RHBDF2: variants seen among roughly 807,000 people sequenced by gnomAD.
RHBDF2 encodes rhomboid 5 homolog 2, also known as inactive rhomboid protein 2.
Under a neutral mutation model 95.2 loss-of-function variants are expected in RHBDF2, and 38 were observed. That is an observed-to-expected ratio of 0.40 (90% CI 0.31 to 0.52). The LOEUF is 0.52. Among genes scored for constraint, RHBDF2 ranks in the 20% least tolerant of loss-of-function variants. RHBDF2 has a pLI of 0.56. For synonymous variants in RHBDF2, 442 were observed against 462.0 expected, an observed-to-expected ratio of 0.96 and a Z score of 0.55; for missense variants, 863 against 1,137.7, an observed-to-expected ratio of 0.76 and a Z score of 3.47.
In RHBDF2 at chr17:76,471,763, C is replaced by A. The variant is rs1399072827; in HGVS notation, c.2354G>T (p.Gly785Val). Residue 785 changes from glycine to valine, a missense_variant, in exon 19 of 19, where the codon GGC (glycine) becomes GTC (valine). Coordinates refer to ENST00000675367, the MANE Select transcript of RHBDF2 (RefSeq NM_001005498.4). Reference protein sequence around the residue: ...LILVSLLAFAGLFAALVLWLY... With the variant: ...LILVSLLAFAVLFAALVLWLY... ...CCACAGCACGAGGGCGGCGAAGAGG[C>A]CGGCAAAGGCCAGCAGTGACACCAG... is the stretch of plus-strand genomic sequence containing the variant. 5 of 1,609,814 alleles carry A rather than the reference C, an allele frequency of 3.1e-6. No individual in the cohort carries two copies. The highest frequency in any genetic ancestry group is 3.4e-6 in the Non-Finnish European group (4 of 1,178,060).
chr17:76,491,432 TG>T lies in RHBDF2; in HGVS notation c.-219-3524del, dbSNP rs397781877. 2.0e-3 allele frequency among the ~76,000 whole-genome samples: 293 copies of T among 147,108 alleles called. 1 individual carries two copies. The South Asian group carries it at 0.023, about 12-fold the overall frequency. ...CCTGGTCAGCCCCAGGGCAATCAGT[TG>T]GGGGGGGGTCCCGAAGAGAGGTGGC... On this transcript the variant is annotated intron_variant, in intron 1 of 18. Transcript: ENST00000675367.
At chr17:76,480,644 C>T (rs1252047771) in intron 3 of RHBDF2, among the ~76,000 whole-genome samples, 1 of 152,154 alleles carries the variant, frequency 6.6e-6, no homozygotes, top group Non-Finnish European at 1.5e-5. Context: ...CCTCAGCCTC[C>T]CAAAGTGATG....
intron 1 of RHBDF2, among the ~76,000 whole-genome samples, chr17:76,498,789 A>AGTGTGTGTGTGTGTGTGT (rs60130089): frequency 2.3e-3 from 332 of 143,758 alleles, no homozygotes; most frequent in East Asian, 7.0e-3. Context: ...AGAGAAAGAG[A>AGTGTGTGTGTGTGTGTGT]GTGTGTGTGT....
In RHBDF2 at chr17:76,493,897, G is replaced by A. The variant is rs142381482; in HGVS notation, c.-219-5988C>T. ...TCCTCGCCCCTCCAGGGCTTGCCTC[G>A]AACTCAGTTCAGAAGATCAAGAACC... On this transcript the variant is annotated intron_variant, in intron 1 of 18. Transcript: ENST00000675367. Among the ~76,000 whole-genome samples, 515 of 152,340 alleles carry A rather than the reference G, an allele frequency of 3.4e-3. 2 individuals are homozygous for A. The highest frequency in any genetic ancestry group is 0.011 in the African/African-American group (470 of 41,580).
At chr17:76,494,256 G>A (rs1390853424) in intron 1 of RHBDF2, among the ~76,000 whole-genome samples, 4 of 152,176 alleles carry the variant, frequency 2.6e-5, no homozygotes, top group Admixed American at 2.6e-4. Flanking sequence ...CCCCCTCCTC[G>A]GCTGGGGTTC....
intron 14 of RHBDF2, 48 bp downstream of exon 14, chr17:76,473,791 T>A: frequency 6.2e-7 from 1 of 1,611,822 alleles, no homozygotes; most frequent in Non-Finnish European, 8.5e-7. Context: ...AGCAGGCAGG[T>A]CCCCCATCCC....
intron 9 of RHBDF2, 59 bp from the exon 10 acceptor site, chr17:76,475,200 G>C: frequency 7.9e-7 from 1 of 1,263,426 alleles, no homozygotes; most frequent in Middle Eastern, 1.8e-4. Context: ...CCCAGTCCCG[G>C]CCACAGGGCC....
At chr17:76,490,379 C>T (rs7209056) in intron 1 of RHBDF2, among the ~76,000 whole-genome samples, 3,394 of 152,274 alleles carry the variant, frequency 0.022, 120 homozygotes, top group African/African-American at 0.077. Flanking sequence ...GGCAGCCACA[C>T]CGGGACCCCA....
chr17:76,497,868 T>G (rs1216642222), intron 1 of RHBDF2, among the ~76,000 whole-genome samples: 1 of 152,170 alleles, frequency 6.6e-6, no homozygotes, highest in Non-Finnish European at 1.5e-5. Context: ...CCTTTTCTGC[T>G]GGTCACAAGG....
intron 2 of RHBDF2, among the ~76,000 whole-genome samples, chr17:76,482,121 G>A (rs1330296670): frequency 1.3e-5 from 2 of 152,074 alleles, no homozygotes; most frequent in Non-Finnish European, 2.9e-5. Flanking sequence ...GACCATATGG[G>A]TCTGGGAGGT....
intron 15 of RHBDF2, 123 bp downstream of exon 15, chr17:76,473,524 AC>A: frequency 2.0e-6 from 2 of 979,090 alleles, no homozygotes; most frequent in Admixed American, 2.1e-5. Flanking sequence ...GGAGCAAAGG[AC>A]AGTTATTGGA....
In RHBDF2 at chr17:76,471,852, G is replaced by A. The variant is rs115094923; in HGVS notation, c.2265C>T (p.Ala755=). ...AGGTGATGTAGGGCAGGAAGGCGAA[G>A]GCCAGCAGCAGGCCACTGAGGAAGC... The part of the protein sequence containing the change: ...IFGFLSGLLL[A]FAFLPYITFG... The change falls in exon 19 of 19, where the codon GCC becomes GCT. Residue 755 remains alanine (A), a synonymous_variant. Transcript: ENST00000675367. 5.4e-4 allele frequency: 864 copies of A among 1,591,892 alleles called. 7 individuals are homozygous for A. In the African/African-American group the frequency reaches 9.9e-3, roughly 18 times the overall value.
chr17:76,479,783 C>T lies in RHBDF2; in HGVS notation c.222G>A (p.Glu74=). ...EPRSRWQESS[E]KRPGFRRQAS... is the part of the protein sequence containing the mutation. ...CCTGGCGGCGGAAGCCAGGGCGCTT[C>T]TCTGAACTCTCCTGCCATCGGCTGC... The change falls in exon 4 of 19, where the codon GAG becomes GAA. Residue 74 remains glutamate, a synonymous_variant. Transcript: ENST00000675367. The T allele has an allele frequency of 6.2e-7, 1 of 1,613,306 alleles. No individual in the cohort carries two copies. The highest frequency in any genetic ancestry group is 8.5e-7 in the Non-Finnish European group (1 of 1,179,914).
At chr17:76,494,910 G>A (rs1209700888) in intron 1 of RHBDF2, among the ~76,000 whole-genome samples, 1 of 152,182 alleles carries the variant, frequency 6.6e-6, no homozygotes, top group South Asian at 2.1e-4. Context: ...AGGGAAGGGG[G>A]CACGCACAGC....
chr17:76,499,703 GA>G (rs1174712039), intron 1 of RHBDF2, among the ~76,000 whole-genome samples: 1 of 152,166 alleles, frequency 6.6e-6, no homozygotes, highest in Non-Finnish European at 1.5e-5. Context: ...GTTCAGAAGG[GA>G]AAATTCCAGC....
At chr17:76,477,913 A>T in intron 6 of RHBDF2, 128 bp from the exon 7 acceptor site, 2 of 1,401,966 alleles carry the variant, frequency 1.4e-6, no homozygotes, top group Non-Finnish European at 1.9e-6. Context: ...GATCCTGCCC[A>T]AAGCGTGGAG....
intron 1 of RHBDF2, among the ~76,000 whole-genome samples, chr17:76,489,751 C>T (rs144979954): frequency 6.6e-6 from 1 of 152,378 alleles, no homozygotes; most frequent in East Asian, 1.9e-4. Flanking sequence ...GCCCTTTACA[C>T]ACATTACCCT....
chr17:76,493,982 G>A (rs1248153070), intron 1 of RHBDF2, among the ~76,000 whole-genome samples: 2 of 152,210 alleles, frequency 1.3e-5, no homozygotes, highest in East Asian at 1.9e-4. Flanking sequence ...TTTCCTATCC[G>A]GCCCCAGGCT....
At position 76,479,113 on chromosome 17, in the gene RHBDF2, G is replaced by A. The variant is rs1331033868; in HGVS notation, c.437C>T (p.Thr146Ile). The A allele has an allele frequency of 3.1e-6, 5 of 1,613,716 alleles. No homozygotes were observed. Among genetic ancestry groups the A allele is most frequent in the Non-Finnish European group, 8.5e-7 (1 of 1,179,956 alleles). Reference sequence around the variant, plus strand: ...CATCTTGCAGGGCTTTGGGGACTCAGTGCCCTGGAAGGACGGTGCCTCCTG... The same window carrying A: ...CATCTTGCAGGGCTTTGGGGACTCAATGCCCTGGAAGGACGGTGCCTCCTG... The part of the protein sequence containing the change: ...PSQEAPSFQG[T>I]ESPKPCKMPK... Residue 146 changes from threonine (T) to isoleucine (I), a missense_variant, in exon 5 of 19, where the codon ACT becomes ATT. Around this residue, in one of 2 missense-constraint regions of RHBDF2, gnomAD observed 611 missense variants for 725.5 expected, o/e 0.84. Coordinates refer to ENST00000675367, the MANE Select transcript of RHBDF2 (RefSeq NM_001005498.4).
Sources: allele counts gnomAD v4.1 joint callset (sites outside exome capture counted in the v4.1 genomes callset), GRCh38; gene constraint gnomAD v4.1.1; regional missense constraint gnomAD v4.1.1; transcripts MANE v1.5; gene names NCBI Gene and HGNC (gene_info 2026-07-23, HGNC 2026-07-21).